Variants in CNTN5 observed in about 807,000 individuals in gnomAD.
CNTN5 encodes contactin 5.
CNTN5 carries 77 observed loss-of-function variants against 129.1 expected under a neutral mutation model. That is an observed-to-expected ratio of 0.60 (90% confidence interval 0.50 to 0.72). CNTN5 has a LOEUF of 0.72. CNTN5 is among the 30% of genes least tolerant of loss of function. The probability of loss-of-function intolerance (pLI) is 0.00; values close to 1 mark genes in which losing one functional copy is unlikely to be tolerated. For missense variants in CNTN5, 1,478 were observed against 1,328.8 expected (o/e 1.11, Z -1.75); for synonymous variants, 509 against 465.6 (o/e 1.09, Z -1.20).
chr11:99,669,099 C>CT (rs1179572586), intron 3 of CNTN5, among the ~76,000 whole-genome samples: 1 of 152,066 alleles, frequency 6.6e-6, no homozygotes, highest in African/African-American at 2.4e-5. Flanking sequence ...TCTAGTTTTG[C>CT]AGAGCATCTT....
At chr11:99,618,479 C>T (rs1249412090) in intron 3 of CNTN5, among the ~76,000 whole-genome samples, 1 of 152,112 alleles carries the variant, frequency 6.6e-6, no homozygotes, top group Non-Finnish European at 1.5e-5. Flanking sequence ...GTGTAATCTA[C>T]GTGAAAGCAG....
chr11:99,938,388 G>A (rs774926416), intron 7 of CNTN5, among the ~76,000 whole-genome samples: 1 of 152,104 alleles, frequency 6.6e-6, no homozygotes, highest in Non-Finnish European at 1.5e-5. Context: ...CACATAGTAA[G>A]TTCTTATTAT....
chr11:99,796,751 G>C (rs948447407), intron 3 of CNTN5, among the ~76,000 whole-genome samples: 2 of 152,182 alleles, frequency 1.3e-5, no homozygotes, highest in East Asian at 3.9e-4. Context: ...ACCCAGCAAG[G>C]CTTGGAGGAT....
chr11:99,948,788 C>G (rs1455082306), intron 7 of CNTN5, among the ~76,000 whole-genome samples: 8 of 152,206 alleles, frequency 5.3e-5, no homozygotes, highest in Non-Finnish European at 8.8e-5. Context: ...TGTATTGGTG[C>G]TCCATCCAGA....
chr11:99,783,281 C>T (rs1254503110), intron 3 of CNTN5, among the ~76,000 whole-genome samples: 4 of 93,090 alleles, frequency 4.3e-5, no homozygotes, highest in Admixed American at 1.3e-4. Context: ...TACCATCTCA[C>T]ACCAGTTAGA....
At chr11:100,191,018 TCTTA>T in intron 13 of CNTN5, 104 bp from the exon 14 acceptor site, 2 of 639,366 alleles carry the variant, frequency 3.1e-6, no homozygotes, top group Admixed American at 3.3e-5. Context: ...TGATCCTTTA[TCTTA>T]CTTATTATCA....
intron 2 of CNTN5, among the ~76,000 whole-genome samples, chr11:99,424,983 A>G (rs1241289779): frequency 6.6e-6 from 1 of 151,958 alleles, no homozygotes; most frequent in Non-Finnish European, 1.5e-5. Flanking sequence ...TGAGTGTACA[A>G]CTCTTAGCAG....
Position 99,106,184 on chromosome 11 carries a change from A to G in CNTN5, c.-210+84914A>G, listed in dbSNP as rs574166301. Among the ~76,000 whole-genome samples the G allele has an allele frequency of 1.1e-4, 16 of 152,258 alleles. 1 individual carries two copies. The South Asian group carries it at 2.1e-3, about 20-fold the overall frequency. ...GGATTTGCCCAAAGTCTAAGATTTT[A>G]CTCATGATGTCACACTTAAAATTGA... On this transcript the variant is annotated intron_variant, in intron 1 of 24. Transcript: ENST00000524871.
intron 1 of CNTN5, among the ~76,000 whole-genome samples, chr11:99,031,832 T>C (rs1048085764): frequency 1.3e-5 from 2 of 151,608 alleles, no homozygotes; most frequent in African/African-American, 2.4e-5. Context: ...TAGTTACATA[T>C]GTATACATGT....
chr11:99,552,889 T>TGTTC (rs1948540976), intron 2 of CNTN5, among the ~76,000 whole-genome samples: 1 of 152,174 alleles, frequency 6.6e-6, no homozygotes, highest in African/African-American at 2.4e-5. Context: ...TTTAAAAGAC[T>TGTTC]AACTTGTAAC....
At chr11:99,954,194 T>A (rs1430465728) in intron 7 of CNTN5, among the ~76,000 whole-genome samples, 1 of 152,102 alleles carries the variant, frequency 6.6e-6, no homozygotes, top group East Asian at 1.9e-4. Context: ...AAAAAATTGA[T>A]CCTAAGTAGG....
At chr11:99,463,905 G>T (rs2135246791) in intron 2 of CNTN5, among the ~76,000 whole-genome samples, 1 of 152,158 alleles carries the variant, frequency 6.6e-6, no homozygotes, top group Middle Eastern at 3.4e-3. Flanking sequence ...TAAACTAAAA[G>T]AAGATTATTG....
At chr11:100,000,173 TAAATA>T (rs1345091653) in intron 8 of CNTN5, among the ~76,000 whole-genome samples, 3 of 151,538 alleles carry the variant, frequency 2.0e-5, no homozygotes, top group African/African-American at 4.8e-5. Flanking sequence ...TAAAAATAAA[TAAATA>T]AATAAATAAA....
At chr11:100,273,130 C>G (rs187852790) in intron 18 of CNTN5, among the ~76,000 whole-genome samples, 1 of 152,210 alleles carries the variant, frequency 6.6e-6, no homozygotes, top group East Asian at 1.9e-4. Flanking sequence ...TCAGTATGGC[C>G]ACACCTGCTT....
intron 21 of CNTN5, among the ~76,000 whole-genome samples, chr11:100,312,250 CA>C (rs1177489052): frequency 6.6e-6 from 1 of 152,026 alleles, no homozygotes; most frequent in Non-Finnish European, 1.5e-5. Context: ...TAAGTATATT[CA>C]GTGAAGACTA....
chr11:99,762,750 A>T (rs972788222), intron 3 of CNTN5, among the ~76,000 whole-genome samples: 1 of 152,156 alleles, frequency 6.6e-6, no homozygotes, highest in Admixed American at 6.6e-5. Flanking sequence ...ATTCAATGAG[A>T]CAGGAAGGAA....
intron 1 of CNTN5, among the ~76,000 whole-genome samples, chr11:99,039,151 T>A (rs1170954052): frequency 6.6e-6 from 1 of 152,170 alleles, no homozygotes; most frequent in Non-Finnish European, 1.5e-5. Context: ...TTTCATAAAT[T>A]CATGTAGAAA....
At chr11:100,036,395 G>A (rs1312288872) in intron 9 of CNTN5, among the ~76,000 whole-genome samples, 3 of 151,924 alleles carry the variant, frequency 2.0e-5, no homozygotes, top group African/African-American at 7.3e-5. Context: ...TTGAAGTCAG[G>A]TAGCGTGATG....
At chr11:100,014,335 A>G (rs1427195801) in intron 9 of CNTN5, among the ~76,000 whole-genome samples, 1 of 152,110 alleles carries the variant, frequency 6.6e-6, no homozygotes, top group Non-Finnish European at 1.5e-5. Flanking sequence ...TCTGCCAGAC[A>G]TTTAAAACCT....
Sources: allele counts gnomAD v4.1 joint callset (sites outside exome capture counted in the v4.1 genomes callset), GRCh38; gene constraint gnomAD v4.1.1; transcripts MANE v1.5; gene names NCBI Gene and HGNC (gene_info 2026-07-23, HGNC 2026-07-21).